DIP2B: variants seen among roughly 807,000 people sequenced by gnomAD.
DIP2B encodes the protein disco-interacting protein 2 homolog B.
A neutral mutation model predicts 198.0 loss-of-function variants in DIP2B; 76 were observed. That is an observed-to-expected ratio of 0.38 (90% confidence interval 0.32 to 0.46). The LOEUF (loss-of-function observed/expected upper bound fraction) is 0.46. Among genes scored for constraint, DIP2B ranks in the 20% least tolerant of loss-of-function variants. The pLI is 0.99. For synonymous variants in DIP2B, 701 were observed against 739.1 expected (o/e 0.95, Z 0.84); for missense variants, 1,559 against 1,978.4 (o/e 0.79, Z 4.02).
intron 4 of DIP2B, among the ~76,000 whole-genome samples, chr12:50,666,659 A>G (rs1057045732): frequency 2.0e-5 from 3 of 152,112 alleles, no homozygotes; most frequent in Admixed American, 6.6e-5. Flanking sequence ...TGCAAGCTGG[A>G]ATTAAGATCC....
chr12:50,547,741 A>G (rs1328099010), intron 1 of DIP2B, among the ~76,000 whole-genome samples: 2 of 152,206 alleles, frequency 1.3e-5, no homozygotes, highest in South Asian at 4.1e-4. Flanking sequence ...ATAGGCTGTG[A>G]CACTATGTAT....
rs185652072 is a variant in DIP2B, at chr12:50,544,926, T to C, written c.100+39686T>C. 1.4e-3 allele frequency among the ~76,000 whole-genome samples: 215 copies of C among 152,212 alleles called. 1 individual carries two copies. Among genetic ancestry groups the C allele is most frequent in the African/African-American group, 5.0e-3 (206 of 41,548 alleles). The stretch of plus-strand genomic sequence containing the variant: ...GCCACCGCGCCTGGCTGAATAACTT[T>C]CTTAAAAGCTGGAGTAGTACCAGGT... On this transcript the variant is annotated intron_variant, in intron 1 of 37. Coordinates refer to ENST00000301180, the MANE Select transcript of DIP2B (RefSeq NM_173602.3).
chr12:50,661,411 A>G (rs1565862298), intron 4 of DIP2B, among the ~76,000 whole-genome samples: 2 of 152,112 alleles, frequency 1.3e-5, no homozygotes, highest in Non-Finnish European at 2.9e-5. Context: ...ATTAATATTA[A>G]TAGTTTTCTT....
intron 3 of DIP2B, among the ~76,000 whole-genome samples, chr12:50,658,716 CA>C (rs1938594593): frequency 6.6e-6 from 1 of 152,166 alleles, no homozygotes; most frequent in African/African-American, 2.4e-5. Context: ...AAATACTATG[CA>C]GCCCTTAAAA....
At chr12:50,719,880 A>G (rs1939802610) in intron 25 of DIP2B, among the ~76,000 whole-genome samples, 1 of 147,600 alleles carries the variant, frequency 6.8e-6, no homozygotes. Flanking sequence ...TATATTAAAT[A>G]TAATAATATA....
At chr12:50,676,586 AC>A (rs1171077505) in intron 7 of DIP2B, among the ~76,000 whole-genome samples, 2 of 152,222 alleles carry the variant, frequency 1.3e-5, no homozygotes, top group Admixed American at 6.5e-5. Context: ...CAGGAATCTT[AC>A]CTGAAAAAAT....
intron 12 of DIP2B, among the ~76,000 whole-genome samples, chr12:50,689,929 G>A (rs898281278): frequency 1.3e-5 from 2 of 152,068 alleles, no homozygotes; most frequent in East Asian, 1.9e-4. Flanking sequence ...AGAAAGGTTC[G>A]ATAAGGTATG....
chr12:50,630,176 T>C (rs1449464602), intron 2 of DIP2B, among the ~76,000 whole-genome samples: 1 of 151,948 alleles, frequency 6.6e-6, no homozygotes, highest in Non-Finnish European at 1.5e-5. Flanking sequence ...TCTCCATCAC[T>C]TGACCTTGTG....
intron 37 of DIP2B, among the ~76,000 whole-genome samples, chr12:50,742,407 A>C (rs1362303112): frequency 6.9e-6 from 1 of 144,664 alleles, no homozygotes; most frequent in Non-Finnish European, 1.5e-5. Context: ...AAAAAAAAAA[A>C]AAAAAAAAAA....
intron 30 of DIP2B, among the ~76,000 whole-genome samples, chr12:50,730,330 TTC>T (rs1038413792): frequency 5.3e-5 from 8 of 152,030 alleles, no homozygotes; most frequent in African/African-American, 1.9e-4. Context: ...TTTCTTTTTC[TTC>T]TTTTTCTTTC....
chr12:50,507,700 T>A (rs1281303599), intron 1 of DIP2B, among the ~76,000 whole-genome samples: 2 of 151,960 alleles, frequency 1.3e-5, no homozygotes, highest in Non-Finnish European at 2.9e-5. Flanking sequence ...GCCGGGCTAA[T>A]TTTTTTTGTA....
intron 19 of DIP2B, among the ~76,000 whole-genome samples, chr12:50,702,758 AG>A (rs1939443812): frequency 5.1e-5 from 7 of 137,432 alleles, no homozygotes; most frequent in Admixed American, 1.5e-4. Flanking sequence ...AAAAAAAAAA[AG>A]GAGGGGTGGG....
chr12:50,581,890 T>C (rs1194104543), intron 1 of DIP2B, among the ~76,000 whole-genome samples: 1 of 152,206 alleles, frequency 6.6e-6, no homozygotes, highest in Non-Finnish European at 1.5e-5. Context: ...AAATATCTTT[T>C]ACTTTTTTCT....
At chr12:50,606,723 T>TG (rs1414156541) in intron 1 of DIP2B, among the ~76,000 whole-genome samples, 1 of 152,158 alleles carries the variant, frequency 6.6e-6, no homozygotes, top group Non-Finnish European at 1.5e-5. Flanking sequence ...CTCCAACTCT[T>TG]GCGTTCAAGC....
chr12:50,621,422 G>T (rs1488361741), intron 1 of DIP2B, among the ~76,000 whole-genome samples: 2 of 139,096 alleles, frequency 1.4e-5, no homozygotes, highest in African/African-American at 5.3e-5. Context: ...TCTTGCTAAA[G>T]AACTCTTTTT....
At chr12:50,648,083 G>A (rs1203841936) in intron 3 of DIP2B, among the ~76,000 whole-genome samples, 1 of 152,068 alleles carries the variant, frequency 6.6e-6, no homozygotes, top group African/African-American at 2.4e-5. Flanking sequence ...TCCAGCCTAG[G>A]CGACAGATCG....
intron 1 of DIP2B, among the ~76,000 whole-genome samples, chr12:50,516,213 A>ATCTCTCTC (rs68059796): frequency 2.2e-4 from 28 of 128,608 alleles, no homozygotes; most frequent in African/African-American, 5.7e-4. Flanking sequence ...TAGAGGCACC[A>ATCTCTCTC]TCTCTCTCTC....
At chr12:50,588,972 CAGG>C (rs1361937225) in intron 1 of DIP2B, among the ~76,000 whole-genome samples, 1 of 151,932 alleles carries the variant, frequency 6.6e-6, no homozygotes, top group Non-Finnish European at 1.5e-5. Context: ...ATCACGAGGT[CAGG>C]AGATCGAGAC....
intron 1 of DIP2B, among the ~76,000 whole-genome samples, chr12:50,564,132 G>T (rs1958544023): frequency 6.6e-6 from 1 of 152,062 alleles, no homozygotes; most frequent in African/African-American, 2.4e-5. Context: ...GTGTGTGTGT[G>T]TGTGTGATTT....
Sources: gnomAD v4.1 joint callset for allele counts (sites outside exome capture counted in the v4.1 genomes callset) on GRCh38, gnomAD v4.1.1 for gene constraint, MANE v1.5 for transcripts, NCBI Gene and HGNC (gene_info 2026-07-23, HGNC 2026-07-21) for gene names.